EXOC6B: variants seen among roughly 807,000 people sequenced by gnomAD.
EXOC6B encodes the protein SEC15 homolog B.
In EXOC6B, 54 loss-of-function variants were observed where a neutral mutation model predicts 113.5. The observed-to-expected ratio is 0.48, with a 90% CI of 0.38 to 0.60. The LOEUF is 0.60. Ranked by LOEUF, EXOC6B falls within the 20% of genes least tolerant of loss-of-function variation. EXOC6B has a pLI of 0.00. For missense variants in EXOC6B, 797 were observed against 977.5 expected (o/e 0.82, Z 2.46); for synonymous variants, 357 against 339.0 (o/e 1.05, Z -0.58).
chr2:72,657,620 G>A (rs1674691733), intron 6 of EXOC6B, among the ~76,000 whole-genome samples: 1 of 108,798 alleles, frequency 9.2e-6, no homozygotes, highest in Non-Finnish European at 1.7e-5. Context: ...AATTCTCCTG[G>A]CTGGAATATG....
chr2:72,386,007 T>A (rs1432876340), intron 18 of EXOC6B, among the ~76,000 whole-genome samples: 1 of 152,164 alleles, frequency 6.6e-6, no homozygotes, highest in African/African-American at 2.4e-5. Flanking sequence ...ATCCTACTAA[T>A]GAATATATAC....
At chr2:72,331,884 T>C (rs1348890723) in intron 20 of EXOC6B, among the ~76,000 whole-genome samples, 3 of 152,152 alleles carry the variant, frequency 2.0e-5, no homozygotes, top group Admixed American at 2.0e-4. Context: ...ATAGTTTTGC[T>C]ATCCGCATCT....
At chr2:72,301,107 A>AT (rs151257536) in intron 20 of EXOC6B, among the ~76,000 whole-genome samples, 1 of 151,872 alleles carries the variant, frequency 6.6e-6, no homozygotes, top group African/African-American at 2.4e-5. Context: ...TAATCATGTG[A>AT]TTTTTTGCCT....
At chr2:72,683,497 A>T (rs979636070) in intron 6 of EXOC6B, among the ~76,000 whole-genome samples, 2 of 152,200 alleles carry the variant, frequency 1.3e-5, no homozygotes, top group Non-Finnish European at 2.9e-5. Flanking sequence ...ATATATAGAC[A>T]TGACTGCATA....
At position 72,364,203 on chromosome 2, in the gene EXOC6B, A is replaced by C. The variant is rs535837120; in HGVS notation, c.2122+15526T>G. On this transcript the variant is annotated intron_variant, in intron 19 of 21. Transcript: ENST00000272427. ...TTTCTTTAAGATTTTTTTATAGACC[A>C]CTGAGCATCTAAAGAAAAAAAAATG... 5.9e-5 allele frequency among the ~76,000 whole-genome samples: 9 copies of C among 152,142 alleles called. No individual in the cohort carries two copies. The South Asian group carries it at 1.9e-3, about 32-fold the overall frequency.
In EXOC6B at chr2:72,408,844, G is replaced by A. The variant is rs1236731879; in HGVS notation, c.1981-28974C>T. ...GTCTAAAACACCAAAAGCAATGGCA[G>A]CAAAAGACAAAATTGACAAATGGGA... is the stretch of plus-strand genomic sequence containing the variant. On this transcript the variant is annotated intron_variant, in intron 18 of 21. Coordinates refer to ENST00000272427, the MANE Select transcript of EXOC6B (RefSeq NM_015189.3). 5.9e-5 allele frequency among the ~76,000 whole-genome samples: 9 copies of A among 152,156 alleles called. No individual in the cohort carries two copies. The South Asian group carries it at 6.2e-4, about 11-fold the overall frequency.
At chr2:72,356,929 G>A (rs143433225) in intron 19 of EXOC6B, among the ~76,000 whole-genome samples, 59 of 152,182 alleles carry the variant, frequency 3.9e-4, no homozygotes, top group Middle Eastern at 3.4e-3. Flanking sequence ...GAAGTGAGAC[G>A]GCCACTAAGT....
chr2:72,350,732 G>C (rs1003764248), intron 19 of EXOC6B, among the ~76,000 whole-genome samples: 1 of 152,156 alleles, frequency 6.6e-6, no homozygotes, highest in African/African-American at 2.4e-5. Context: ...TGAACTCTTA[G>C]GTACTGCTGA....
At chr2:72,190,352 GT>G (rs140479879) in intron 20 of EXOC6B, among the ~76,000 whole-genome samples, 14,006 of 152,054 alleles carry the variant, frequency 0.092, 1,026 homozygotes, top group African/African-American at 0.21. Flanking sequence ...TTTCAATATG[GT>G]TGTGTTTTTC....
chr2:72,683,810 G>T (rs924934355), intron 6 of EXOC6B, among the ~76,000 whole-genome samples: 9 of 152,130 alleles, frequency 5.9e-5, no homozygotes, highest in African/African-American at 2.2e-4. Context: ...CTCTCAGATT[G>T]TTGCTCCTCT....
chr2:72,780,827 G>A (rs1050198853), intron 1 of EXOC6B, among the ~76,000 whole-genome samples: 10 of 152,156 alleles, frequency 6.6e-5, no homozygotes, highest in African/African-American at 2.2e-4. Flanking sequence ...TTTCCTCCCC[G>A]TGTAATGGCT....
At chr2:72,527,928 T>C (rs1487974453) in intron 8 of EXOC6B, among the ~76,000 whole-genome samples, 1 of 152,018 alleles carries the variant, frequency 6.6e-6, no homozygotes, top group Non-Finnish European at 1.5e-5. Context: ...AGTATTTATA[T>C]ATTCTAGATA....
At chr2:72,401,097 T>C (rs1449088640) in intron 18 of EXOC6B, among the ~76,000 whole-genome samples, 1 of 151,734 alleles carries the variant, frequency 6.6e-6, no homozygotes, top group Non-Finnish European at 1.5e-5. Flanking sequence ...TATAGATAAA[T>C]ATAGATACAA....
intron 5 of EXOC6B, among the ~76,000 whole-genome samples, chr2:72,729,302 CAT>C (rs1252244215): frequency 6.6e-6 from 1 of 150,906 alleles, no homozygotes; most frequent in Non-Finnish European, 1.5e-5. Flanking sequence ...TCTTTCTGTC[CAT>C]ATATATGTTT....
intron 20 of EXOC6B, among the ~76,000 whole-genome samples, chr2:72,209,223 C>CAAAAAAAAAAAAAAAAAAAA (rs1170760516): frequency 5.4e-4 from 31 of 57,046 alleles, no homozygotes; most frequent in East Asian, 2.0e-3. Context: ...AACTCAGTCT[C>CAAAAAAAAAAAAAAAAAAAA]AAAAAAAAAA....
chr2:72,652,297 T>C (rs1259670601), intron 6 of EXOC6B, among the ~76,000 whole-genome samples: 4 of 152,138 alleles, frequency 2.6e-5, no homozygotes, highest in Non-Finnish European at 5.9e-5. Flanking sequence ...CTGGCAACCA[T>C]GCAGTATTTG....
chr2:72,548,635 G>T (rs1703036264), intron 8 of EXOC6B, among the ~76,000 whole-genome samples: 1 of 152,108 alleles, frequency 6.6e-6, no homozygotes, highest in South Asian at 2.1e-4. Context: ...AGGTCAAAAG[G>T]AGAGTAATTA....
At position 72,825,943 on chromosome 2, in the gene EXOC6B, G is replaced by GTCGGC; in HGVS notation, c.-38_-34dup. 1 of 1,607,128 alleles carries GTCGGC rather than the reference G, an allele frequency of 6.2e-7. No homozygotes were observed. The highest frequency in any genetic ancestry group is 8.5e-7 in the Non-Finnish European group (1 of 1,178,604). On this transcript the variant is annotated 5_prime_UTR_variant, in exon 1 of 22. Transcript: ENST00000272427. The surrounding 1 kb of genome is among the most constrained non-coding windows in gnomAD (Gnocchi z 4.4). ...GGGCGCCCCGCAGCGCGTCCCCTCC[G>GTCGGC]TCGGCTCGGCTCACCTTTTCCCTGC...
At chr2:72,294,497 A>G (rs1168813323) in intron 20 of EXOC6B, among the ~76,000 whole-genome samples, 3 of 152,140 alleles carry the variant, frequency 2.0e-5, no homozygotes, top group Non-Finnish European at 4.4e-5. Flanking sequence ...TGGGTTGCCC[A>G]GGCTGCGTTT....
Sources: gnomAD v4.1 joint callset for allele counts (sites outside exome capture counted in the v4.1 genomes callset) on GRCh38, gnomAD v4.1.1 for gene constraint, Gnocchi (gnomAD v3.1) non-coding constraint, MANE v1.5 for transcripts, NCBI Gene and HGNC (gene_info 2026-07-23, HGNC 2026-07-21) for gene names.